Variants in CCNH observed in about 807,000 individuals in gnomAD.
The protein encoded by CCNH is cyclin H.
In CCNH, 31 loss-of-function variants were observed where a neutral mutation model predicts 41.9. The observed-to-expected ratio is 0.74, with a 90% CI of 0.56 to 1.00. The LOEUF (loss-of-function observed/expected upper bound fraction) is 1.00. CCNH is among the 50% of genes least tolerant of loss of function. The pLI is 0.00. For missense variants in CCNH, 362 were observed against 388.4 expected (o/e 0.93, Z 0.57); for synonymous variants, 138 against 136.1 (o/e 1.01, Z -0.10).
chr5:87,344,639 G>A (rs1216176533), intron 9 of CCNH, among the ~76,000 whole-genome samples: 1 of 150,994 alleles, frequency 6.6e-6, no homozygotes, highest in East Asian at 1.9e-4. Context: ...GAGTAGCTGA[G>A]ACTACAGGTG....
chr5:87,411,493 C>T, intron 1 of CCNH, 147 bp from the exon 2 acceptor site: 1 of 663,194 alleles, frequency 1.5e-6, no homozygotes, highest in South Asian at 2.6e-5. Flanking sequence ...ATTCGCTAAT[C>T]ATTACACAAA....
At chr5:87,381,023 G>A (rs1761677150), upstream of CCNH, among the ~76,000 whole-genome samples, 1 of 152,184 alleles carries the variant, frequency 6.6e-6, no homozygotes, top group Non-Finnish European at 1.5e-5. Context: ...TAGTTCTGAA[G>A]CTGTGTTTCA....
chr5:87,412,918 G>A lies in CCNH; in HGVS notation c.-124C>T, dbSNP rs1008224700. 2.3e-5 allele frequency: 33 copies of A among 1,463,078 alleles called. No homozygotes were observed. Among genetic ancestry groups the A allele is most frequent in the Non-Finnish European group, 2.9e-5 (32 of 1,106,480 alleles). The allele number at this position is 1,463,078 out of a possible 1,614,324, so 90.6% of individuals were successfully genotyped here. ...GAAGCCTAGGGCGTCCGGCTAGCCG[G>A]CGCTGGCGCGCTGTCGTCACGATTA... On this transcript the variant is annotated 5_prime_UTR_variant, in exon 1 of 9. Coordinates refer to ENST00000256897, the MANE Select transcript of CCNH (RefSeq NM_001239.4).
At chr5:87,405,629 T>C (rs1213433590) in intron 4 of CCNH, among the ~76,000 whole-genome samples, 1 of 152,130 alleles carries the variant, frequency 6.6e-6, no homozygotes, top group South Asian at 2.1e-4. Flanking sequence ...ACCTGTGATA[T>C]GACAAATTCA....
downstream of CCNH, chr5:87,372,164 G>A: frequency 1.9e-6 from 3 of 1,613,696 alleles, no homozygotes; most frequent in Non-Finnish European, 2.5e-6. Flanking sequence ...CGGAAAAGTA[G>A]TCCAGGGACA....
chr5:87,408,283 G>T, intron 3 of CCNH, 97 bp from the exon 4 acceptor site: 102 of 505,062 alleles, frequency 2.0e-4, no homozygotes, highest in Middle Eastern at 4.8e-4. Flanking sequence ...ATTTCTAAAA[G>T]TATATTCTAT....
At chr5:87,397,519 CTT>C (rs1282005068) in intron 7 of CCNH, among the ~76,000 whole-genome samples, 10 of 152,098 alleles carry the variant, frequency 6.6e-5, no homozygotes, top group Non-Finnish European at 2.9e-5. Flanking sequence ...TCTAATAAAA[CTT>C]GAGCTTATGT....
chr5:87,369,981 C>A, intron 9 of CCNH: 3 of 1,178,742 alleles, frequency 2.5e-6, no homozygotes, highest in Non-Finnish European at 3.8e-6. Context: ...AAAATGATCG[C>A]ATTCAAGATA....
chr5:87,338,536 A>ATATATATATATATATATATATATT, intron 9 of CCNH, among the ~76,000 whole-genome samples: 14 of 85,208 alleles, frequency 1.6e-4, no homozygotes, highest in East Asian at 9.9e-4. Flanking sequence ...TATATATAAA[A>ATATATATATATATATATATATATT]TTTTTTTTTT....
downstream of CCNH, chr5:87,386,932 T>G: frequency 6.4e-7 from 1 of 1,558,864 alleles, no homozygotes. Context: ...GGTACTTTTT[T>G]TAAGACTTCT....
chr5:87,364,970 G>A (rs1187508925), intron 9 of CCNH, among the ~76,000 whole-genome samples: 6 of 152,126 alleles, frequency 3.9e-5, no homozygotes, highest in African/African-American at 1.4e-4. Context: ...CCATATGTAT[G>A]GGTGAAATGG....
At chr5:87,383,856 A>AAT in intron 9 of CCNH, 2 of 1,284,996 alleles carry the variant, frequency 1.6e-6, no homozygotes, top group Non-Finnish European at 2.2e-6. Flanking sequence ...AATACTCTTA[A>AAT]ATCTTTTTTT....
intron 9 of CCNH, among the ~76,000 whole-genome samples, chr5:87,361,705 A>G (rs1399607341): frequency 2.6e-5 from 4 of 152,182 alleles, no homozygotes; most frequent in African/African-American, 9.7e-5. Context: ...ATTCCTAAAA[A>G]TCATAGCATT....
chr5:87,325,829 G>T (rs182524645), intron 9 of CCNH, among the ~76,000 whole-genome samples: 1 of 152,280 alleles, frequency 6.6e-6, no homozygotes, highest in Non-Finnish European at 1.5e-5. Context: ...TCAATGAAAT[G>T]CCTGTCTGTA....
chr5:87,408,182 TG>T lies in CCNH; in HGVS notation c.318del (p.Thr107LeufsTer9). 6.4e-7 allele frequency: 1 copy of T among 1,568,688 alleles called. No homozygotes were observed. Among genetic ancestry groups the T allele is most frequent in the East Asian group, 2.3e-5 (1 of 44,104 alleles). On this transcript the variant is annotated frameshift_variant, in exon 4 of 9. Coordinates refer to ENST00000256897, the MANE Select transcript of CCNH (RefSeq NM_001239.4). LOFTEE classifies it high-confidence loss of function. ...ACTTTGCAGGCCAAAAATGCACAAG[TG>T]AGCCTAGAGGAAAAAATAAGGAGGC... The part of the protein sequence containing the change: ...VMEYHPRIIM[L>X]TCAFLACKVD...
At position 87,399,449 on chromosome 5, in the gene CCNH, G is replaced by C. The variant is rs766049330; in HGVS notation, c.817C>G (p.Leu273Val). 1.2e-6 allele frequency: 2 copies of C among 1,613,938 alleles called. No individual in the cohort carries two copies. Among genetic ancestry groups the C allele is most frequent in the Non-Finnish European group, 1.7e-6 (2 of 1,179,888 alleles). ...EPPRSEEVAV[L>V]KQKLERCHSA... The stretch of plus-strand genomic sequence containing the variant: ...TGACATCGCTCCAACTTCTGTTTCA[G>C]AACAGCAACTTCTTCAGATCTGGGT... The change falls in exon 7 of 9, where the codon CTG (leucine) becomes GTG (valine). Residue 273 changes from leucine to valine, a missense_variant. Leu to Val is a conservative substitution (Grantham distance 32). Coordinates refer to ENST00000256897, the MANE Select transcript of CCNH (RefSeq NM_001239.4).
intron 7 of CCNH, 43 bp downstream of exon 7, chr5:87,399,351 A>AT: frequency 7.3e-7 from 1 of 1,369,766 alleles, no homozygotes; most frequent in Non-Finnish European, 1.0e-6. Context: ...GCTGGACTGG[A>AT]TAACAGTTAT....
chr5:87,352,861 T>C (rs973080380), intron 9 of CCNH, among the ~76,000 whole-genome samples: 1 of 151,998 alleles, frequency 6.6e-6, no homozygotes, highest in African/African-American at 2.4e-5. Context: ...TTTTAATCAT[T>C]TCCTCATTTA....
rs113631524 is a variant in CCNH at position 87,349,386 on chromosome 5, A to G, written c.*91-30489T>C. Reference sequence around the variant, plus strand: ...ACAGGTAAATCATAATTTTTTAGCTATCTTTTACTTTTCGCAAAAATAGTT... The same window carrying G: ...ACAGGTAAATCATAATTTTTTAGCTGTCTTTTACTTTTCGCAAAAATAGTT... On this transcript the variant is annotated intron_variant and NMD_transcript_variant, in intron 9 of 9. Coordinates refer to the CCNH transcript ENST00000645953. The G allele has an allele frequency of 5.4e-5, 87 of 1,610,240 alleles. 5 individuals carry two copies. The highest frequency in any genetic ancestry group is 4.7e-4 in the African/African-American group (35 of 74,884).
Sources: allele counts gnomAD v4.1 joint callset (sites outside exome capture counted in the v4.1 genomes callset), GRCh38; gene constraint gnomAD v4.1.1; transcripts MANE v1.5; gene names NCBI Gene and HGNC (gene_info 2026-07-23, HGNC 2026-07-21).